The following MICALL2 variants were observed in gnomAD, a reference collection of about 807,000 sequenced individuals.
MICALL2 encodes the protein MICAL-like protein 2.
MICALL2 carries 111 observed loss-of-function variants against 91.1 expected under a neutral mutation model. The ratio of observed to expected loss-of-function variants is 1.22; its 90% CI spans 1.04 to 1.43. The LOEUF (loss-of-function observed/expected upper bound fraction) is 1.43, where lower values mean the gene tolerates loss of function less well. Ranked by LOEUF, MICALL2 falls within the 40% of genes most tolerant of loss-of-function variation. The pLI is 0.00. For synonymous variants in MICALL2, 694 were observed against 525.3 expected, an observed-to-expected ratio of 1.32 and a Z score of -4.39; for missense variants, 1,556 against 1,236.0, an observed-to-expected ratio of 1.26 and a Z score of -3.88.
chr7:1,445,099 T>C lies in MICALL2; in HGVS notation c.971A>G (p.Glu324Gly). 1 of 1,553,478 alleles carries C rather than the reference T, an allele frequency of 6.4e-7. No homozygotes were observed. Among genetic ancestry groups the C allele is most frequent in the Non-Finnish European group, 8.7e-7 (1 of 1,149,312 alleles). Residue 324 changes from glutamate (E) to glycine (G), a missense_variant, in exon 6 of 17, where the codon GAG (glutamate) becomes GGG (glycine). Transcript: ENST00000297508. ...VHVRSPARPS[E>G]SRLAPTPTEG... ...CGTGGGAGTGGGGGCCAGGCGGCTC[T>C]CAGAGGGCCTGGCTGGGCTCCTCAC...
chr7:1,457,451 G>A (rs1346641634), intron 1 of MICALL2, among the ~76,000 whole-genome samples: 1 of 152,174 alleles, frequency 6.6e-6, no homozygotes, highest in African/African-American at 2.4e-5. Context: ...GAGCCACCCT[G>A]GGCTTTTATT....
At chr7:1,439,245 G>A (rs1006124145) in intron 9 of MICALL2, 15 of 513,568 alleles carry the variant, frequency 2.9e-5, no homozygotes, top group Non-Finnish European at 4.5e-5. Context: ...CACGAGAGCT[G>A]GATATGGATC....
intron 7 of MICALL2, 100 bp downstream of exon 7, chr7:1,442,091 CG>C: frequency 7.6e-7 from 1 of 1,319,834 alleles, no homozygotes; most frequent in South Asian, 1.3e-5. Flanking sequence ...GGAAGGCGGG[CG>C]GGGCTGATGA....
intron 9 of MICALL2, chr7:1,439,365 CAG>C (rs1316117335): frequency 2.9e-5 from 7 of 238,952 alleles, no homozygotes; most frequent in South Asian, 9.6e-5. Flanking sequence ...ATTCATGAAA[CAG>C]ATCCACACAT....
chr7:1,434,495 GC>G lies in MICALL2; in HGVS notation c.*100del. 1 of 1,074,618 alleles carries G rather than the reference GC, an allele frequency of 9.3e-7. No homozygotes were observed. Among genetic ancestry groups the G allele is most frequent in the Non-Finnish European group, 1.4e-6 (1 of 692,938 alleles). The allele number at this position is 1,074,618 out of a possible 1,614,324, so 66.6% of individuals were successfully genotyped here. A position where few individuals can be genotyped will look rare whatever the true frequency, so the allele number is the denominator to read the frequency against. ...ATGCCGGGTCCGGGCCGAGCCCACG[GC>G]CCCGAGTACAAGTCCGGGTTCCGGG... On this transcript the variant is annotated 3_prime_UTR_variant, in exon 17 of 17. Transcript: ENST00000297508.
At position 1,452,509 on chromosome 7, in the gene MICALL2, C is replaced by T. The variant is rs537967629; in HGVS notation, c.144-2221G>A. 2.0e-3 allele frequency among the ~76,000 whole-genome samples: 306 copies of T among 152,298 alleles called. 1 individual carries two copies. The highest frequency in any genetic ancestry group is 3.2e-3 in the Non-Finnish European group (219 of 68,026). ...TCACTGACCAAAGCGGCCATGTCCC[C>T]GGAAAGAATGCCCGGACGGCCGGGA... On this transcript the variant is annotated intron_variant, in intron 1 of 16. Coordinates refer to ENST00000297508, the MANE Select transcript of MICALL2 (RefSeq NM_182924.4). The surrounding 1 kb of genome is among the most constrained non-coding windows in gnomAD (Gnocchi z 6.2).
rs150270558 is a variant in MICALL2 at position 1,434,638 on chromosome 7, G to A, written c.2673C>T (p.Ser891=). ...TTTTGCTTTTTGGTGACCAGATCTT[G>A]GACAAGCGGAACTTGGACTTCTTCC... is the stretch of plus-strand genomic sequence containing the variant. ...LQRKKSKFRL[S]KIWSPKSKSS... is the part of the protein sequence containing the mutation. Residue 891 remains serine (S), a synonymous_variant, in exon 17 of 17, where the codon TCC becomes TCT. Coordinates refer to ENST00000297508, the MANE Select transcript of MICALL2 (RefSeq NM_182924.4). 1 of 1,576,614 alleles carries A rather than the reference G, an allele frequency of 6.3e-7. No homozygotes were observed. The highest frequency in any genetic ancestry group is 1.4e-5 in the African/African-American group (1 of 72,756).
chr7:1,447,467 C>T (rs1780650814), intron 4 of MICALL2, 108 bp downstream of exon 4: 2 of 675,366 alleles, frequency 3.0e-6, no homozygotes, highest in African/African-American at 3.7e-5. Flanking sequence ...GAGCCGCACC[C>T]CACTCTGGGT....
rs1393110465 is a variant in MICALL2, at chr7:1,451,104, T to C, written c.144-816A>G. Among the ~76,000 whole-genome samples, 1 of 152,036 alleles carries C rather than the reference T, an allele frequency of 6.6e-6. No individual in the cohort carries two copies. Among genetic ancestry groups the C allele is most frequent in the Non-Finnish European group, 1.5e-5 (1 of 67,992 alleles). The stretch of plus-strand genomic sequence containing the variant: ...CCAGCCTCACCCCTGACTCGCACAC[T>C]ACACCACAGGGATGCAAGGGTCCCG... On this transcript the variant is annotated intron_variant, in intron 1 of 16. Coordinates refer to ENST00000297508, the MANE Select transcript of MICALL2 (RefSeq NM_182924.4). The surrounding 1 kb of genome is among the most constrained non-coding windows in gnomAD (Gnocchi z 4.5).
At position 1,438,129 on chromosome 7, in the gene MICALL2, T is replaced by C. The variant is rs1033133521; in HGVS notation, c.2279A>G (p.Glu760Gly). 1.3e-6 allele frequency: 2 copies of C among 1,562,200 alleles called. No homozygotes were observed. Among genetic ancestry groups the C allele is most frequent in the Non-Finnish European group, 1.7e-6 (2 of 1,154,132 alleles). ...GGCCGCCCGCAGTCGCTTCTCCAGC[T>C]CCACGCCGCGGAGCTCCAGGGCGTC... is the stretch of plus-strand genomic sequence containing the variant. ...RLDALELRGV[E>G]LEKRLRAAEG... The change falls in exon 12 of 17, where the codon GAG (glutamate) becomes GGG (glycine). Residue 760 changes from glutamate to glycine, a missense_variant. By Grantham distance (98) the Glu-to-Gly change is moderately conservative. Coordinates refer to ENST00000297508, the MANE Select transcript of MICALL2 (RefSeq NM_182924.4).
Position 1,442,174 on chromosome 7 carries a change from T to G in MICALL2, c.1711+18A>C. On this transcript the variant is annotated intron_variant, in intron 7 of 16. Transcript: ENST00000297508. ...CTGCGGGCCCCCGGGGCCTCCTGCC[T>G]CCCAGCCCCTTACTCACCCTGCGTT... 6.2e-7 allele frequency: 1 copy of G among 1,610,758 alleles called. No homozygotes were observed. Among genetic ancestry groups the G allele is most frequent in the Non-Finnish European group, 8.5e-7 (1 of 1,179,462 alleles).
At chr7:1,449,222 G>A (rs367546963) in intron 2 of MICALL2, among the ~76,000 whole-genome samples, 8 of 152,252 alleles carry the variant, frequency 5.3e-5, no homozygotes, top group Non-Finnish European at 8.8e-5. Context: ...AGCCCACGCC[G>A]TCCAGCCCAG....
At chr7:1,437,660 C>T (rs1273677196) in intron 13 of MICALL2, 52 bp from the exon 14 acceptor site, 1 of 1,516,010 alleles carries the variant, frequency 6.6e-7, no homozygotes, top group Non-Finnish European at 8.9e-7. Flanking sequence ...TGTCCCCCGC[C>T]TGGCCCGCCC....
intron 16 of MICALL2, 171 bp from the exon 17 acceptor site, chr7:1,434,843 T>C: frequency 1.3e-6 from 1 of 768,160 alleles, no homozygotes; most frequent in Non-Finnish European, 2.0e-6. Flanking sequence ...CTGCCCCGAC[T>C]GGGTGCCCCG....
intron 15 of MICALL2, 59 bp from the exon 16 acceptor site, chr7:1,435,206 G>A (rs1216610760): frequency 6.3e-6 from 10 of 1,579,660 alleles, no homozygotes; most frequent in Admixed American, 3.3e-5. Flanking sequence ...CCCTGGAGGG[G>A]CCTCCGGACA....
At position 1,442,594 on chromosome 7, in the gene MICALL2, C is replaced by T. The variant is rs138891166; in HGVS notation, c.1419-110G>A. The stretch of plus-strand genomic sequence containing the variant: ...CAGCTCACTCCCAATGCCCAGCCTC[C>T]GGACGGACTCCCACCATCACCCCAG... On this transcript the variant is annotated intron_variant, in intron 6 of 16. Coordinates refer to ENST00000297508, the MANE Select transcript of MICALL2 (RefSeq NM_182924.4). 4.2e-4 allele frequency: 459 copies of T among 1,102,388 alleles called. 2 individuals carry two copies. The African/African-American group carries it at 6.6e-3, about 16-fold the overall frequency. The allele number at this position is 1,102,388 out of a possible 1,614,324, so 68.3% of individuals were successfully genotyped here.
At chr7:1,442,794 C>T (rs1248513327) in intron 6 of MICALL2, among the ~76,000 whole-genome samples, 2 of 152,224 alleles carry the variant, frequency 1.3e-5, no homozygotes, top group Non-Finnish European at 2.9e-5. Flanking sequence ...TTCTCCTCCC[C>T]TGTGAAATCC....
At position 1,447,734 on chromosome 7, in the gene MICALL2, C is replaced by T. The variant is rs776822662; in HGVS notation, c.366G>A (p.Ser122=). The change falls in exon 4 of 17, where the codon TCG becomes TCA. Residue 122 remains serine (S), a synonymous_variant. Coordinates refer to ENST00000297508, the MANE Select transcript of MICALL2 (RefSeq NM_182924.4). The part of the protein sequence containing the change: ...IGGMAGVKRA[S]EDSEEEPSGK... ...CTGACGGCTCCTCCTCAGAGTCCTC[C>T]GAGGCCCTCTTCACGCCTGCCATGC... The T allele has an allele frequency of 1.3e-5, 21 of 1,564,864 alleles. No individual in the cohort carries two copies. Among genetic ancestry groups the T allele is most frequent in the Non-Finnish European group, 1.5e-5 (17 of 1,155,406 alleles).
intron 14 of MICALL2, 49 bp downstream of exon 14, chr7:1,437,486 C>T: frequency 6.8e-7 from 1 of 1,478,804 alleles, no homozygotes; most frequent in Non-Finnish European, 8.9e-7. Flanking sequence ...ATCCTGGGCT[C>T]CGCGGCATCC....
Sources: allele counts gnomAD v4.1 joint callset (sites outside exome capture counted in the v4.1 genomes callset), GRCh38; gene constraint gnomAD v4.1.1; non-coding constraint Gnocchi (gnomAD v3.1); transcripts MANE v1.5; gene names NCBI Gene and HGNC (gene_info 2026-07-23, HGNC 2026-07-21).